Variants in CSMD2 observed in about 807,000 individuals in gnomAD.
CSMD2 encodes CUB and Sushi multiple domains 2.
A neutral mutation model predicts 398.5 loss-of-function variants in CSMD2; 130 were observed. The ratio of observed to expected loss-of-function variants is 0.33; its 90% CI spans 0.28 to 0.38. The LOEUF (loss-of-function observed/expected upper bound fraction) is 0.38, where lower values mean the gene tolerates loss of function less well. Among genes scored for constraint, CSMD2 ranks in the 10% least tolerant of loss-of-function variants. CSMD2 has a pLI of 1.00. For missense variants in CSMD2, 3,829 were observed against 4,764.9 expected (o/e 0.80, Z 5.78); for synonymous variants, 1,828 against 1,908.5 (o/e 0.96, Z 1.10).
intron 9 of CSMD2, among the ~76,000 whole-genome samples, chr1:33,817,000 TAGTGGA>T (rs1336708670): frequency 6.6e-6 from 1 of 152,256 alleles, no homozygotes. Flanking sequence ...ACCTGCTTGT[TAGTGGA>T]ACTTCTTGGA....
At chr1:33,558,271 C>T (rs1370509690) in intron 54 of CSMD2, among the ~76,000 whole-genome samples, 1 of 152,228 alleles carries the variant, frequency 6.6e-6, no homozygotes, top group African/African-American at 2.4e-5. Context: ...CTGATCGTAG[C>T]ACAATGTGCC....
intron 25 of CSMD2, among the ~76,000 whole-genome samples, chr1:33,683,242 C>T (rs1056524993): frequency 1.3e-5 from 2 of 152,180 alleles, no homozygotes; most frequent in South Asian, 4.1e-4. Context: ...CATCATCCAT[C>T]TTCTATTGAT....
chr1:33,660,675 G>C (rs1234165621), intron 26 of CSMD2, among the ~76,000 whole-genome samples: 1 of 152,214 alleles, frequency 6.6e-6, no homozygotes, highest in African/African-American at 2.4e-5. Flanking sequence ...GCCCAGGCTA[G>C]GTAGCTTTGA....
intron 53 of CSMD2, among the ~76,000 whole-genome samples, chr1:33,564,566 A>T (rs1389561): frequency 0.48 from 73,046 of 152,056 alleles, 17,929 homozygotes; most frequent in Admixed American, 0.63. Flanking sequence ...TACAGATGGA[A>T]CTTTATTTTT....
intron 2 of CSMD2, among the ~76,000 whole-genome samples, chr1:34,058,515 G>A (rs563022113): frequency 4.7e-4 from 72 of 152,312 alleles, no homozygotes; most frequent in African/African-American, 1.7e-3. Context: ...AGCGTGCAAG[G>A]CTGTGGCATC....
At chr1:33,884,376 A>C (rs909124407) in intron 5 of CSMD2, among the ~76,000 whole-genome samples, 2 of 142,982 alleles carry the variant, frequency 1.4e-5, no homozygotes, top group Non-Finnish European at 3.0e-5. Flanking sequence ...CTCAAACTTA[A>C]GATGATCACC....
At chr1:33,851,807 C>T (rs140720211) in intron 5 of CSMD2, among the ~76,000 whole-genome samples, 7 of 152,272 alleles carry the variant, frequency 4.6e-5, no homozygotes, top group South Asian at 2.1e-4. Context: ...AAGACAATCC[C>T]ATGATGTTAT....
intron 2 of CSMD2, among the ~76,000 whole-genome samples, chr1:34,086,460 A>G (rs1450039916): frequency 6.6e-6 from 1 of 152,220 alleles, no homozygotes; most frequent in African/African-American, 2.4e-5. Flanking sequence ...AAAATTTTAT[A>G]GGGCCAAACT....
chr1:33,951,616 T>G (rs1645010698), intron 3 of CSMD2, among the ~76,000 whole-genome samples: 1 of 152,156 alleles, frequency 6.6e-6, no homozygotes, highest in East Asian at 1.9e-4. Context: ...CCAGGCTCAC[T>G]TCCTTCTCCA....
At chr1:33,549,476 T>C (rs1657224210) in intron 56 of CSMD2, among the ~76,000 whole-genome samples, 1 of 152,254 alleles carries the variant, frequency 6.6e-6, no homozygotes, top group Non-Finnish European at 1.5e-5. Context: ...TTGCAAAATT[T>C]TGTTCTGCTA....
intron 3 of CSMD2, among the ~76,000 whole-genome samples, chr1:33,967,000 G>A (rs937747255): frequency 3.9e-5 from 6 of 152,170 alleles, no homozygotes; most frequent in Non-Finnish European, 7.3e-5. Flanking sequence ...TTTCGCAAAC[G>A]TTTTCCCTTG....
chr1:33,715,225 A>T (rs1433953648), intron 20 of CSMD2, among the ~76,000 whole-genome samples: 1 of 152,136 alleles, frequency 6.6e-6, no homozygotes, highest in African/African-American at 2.4e-5. Flanking sequence ...AACAAACTAG[A>T]TACATTCAAC....
chr1:33,944,917 G>A (rs1335922281), intron 3 of CSMD2, among the ~76,000 whole-genome samples: 1 of 152,108 alleles, frequency 6.6e-6, no homozygotes, highest in Non-Finnish European at 1.5e-5. Context: ...CCAGTGTGGA[G>A]TCCATGCTCT....
At chr1:34,073,274 G>C (rs1655944592) in intron 2 of CSMD2, among the ~76,000 whole-genome samples, 1 of 152,108 alleles carries the variant, frequency 6.6e-6, no homozygotes, top group African/African-American at 2.4e-5. Flanking sequence ...TGATGTTAGG[G>C]GTTTGATAAA....
chr1:33,574,795 A>G (rs973512884), intron 49 of CSMD2, among the ~76,000 whole-genome samples: 7 of 152,256 alleles, frequency 4.6e-5, no homozygotes, highest in African/African-American at 1.4e-4. Context: ...GAGACTCTTA[A>G]TGACTAATCA....
intron 1 of CSMD2, among the ~76,000 whole-genome samples, chr1:34,106,870 T>C (rs1660575653): frequency 6.6e-6 from 1 of 152,218 alleles, no homozygotes. Flanking sequence ...CTGATTCTCC[T>C]GGACATGTTT....
chr1:34,000,047 G>A (rs912829788), intron 3 of CSMD2, among the ~76,000 whole-genome samples: 1 of 151,960 alleles, frequency 6.6e-6, no homozygotes, highest in Admixed American at 6.6e-5. Context: ...GTATCTTTAG[G>A]GAAACAAGGA....
intron 42 of CSMD2, among the ~76,000 whole-genome samples, chr1:33,603,872 A>G (rs1358374714): frequency 6.6e-6 from 1 of 152,238 alleles, no homozygotes; most frequent in African/African-American, 2.4e-5. Context: ...GAAAGGAACA[A>G]CATATGCTAA....
intron 9 of CSMD2, among the ~76,000 whole-genome samples, chr1:33,812,297 G>A (rs1024987999): frequency 2.0e-5 from 3 of 152,120 alleles, no homozygotes; most frequent in South Asian, 2.1e-4. Context: ...ATTTGCAAGG[G>A]GCTTTTGGGA....
Sources: allele counts gnomAD v4.1 joint callset (sites outside exome capture counted in the v4.1 genomes callset), GRCh38; gene constraint gnomAD v4.1.1; transcripts MANE v1.5; gene names NCBI Gene and HGNC (gene_info 2026-07-23, HGNC 2026-07-21).